PTPRG: variants seen among roughly 807,000 people sequenced by gnomAD.
The protein encoded by PTPRG is protein tyrosine phosphatase receptor type G, also known as receptor-type tyrosine-protein phosphatase gamma.
A neutral mutation model predicts 165.3 loss-of-function variants in PTPRG; 102 were observed. The observed-to-expected ratio is 0.62, with a 90% CI of 0.53 to 0.73. The LOEUF (loss-of-function observed/expected upper bound fraction) is 0.73. Ranked by LOEUF, PTPRG falls within the 30% of genes least tolerant of loss-of-function variation. The pLI is 0.00. For missense variants in PTPRG, 1,866 were observed against 1,861.4 expected (o/e 1.00, Z -0.05); for synonymous variants, 675 against 669.5 (o/e 1.01, Z -0.13).
At chr3:62,059,245 A>C (rs566234592) in intron 4 of PTPRG, among the ~76,000 whole-genome samples, 1 of 152,356 alleles carries the variant, frequency 6.6e-6, no homozygotes, top group African/African-American at 2.4e-5. Context: ...GGACTCCTTC[A>C]TAAGTGGAAC....
chr3:62,107,577 A>T (rs1173309553), intron 5 of PTPRG, among the ~76,000 whole-genome samples: 1 of 152,216 alleles, frequency 6.6e-6, no homozygotes, highest in East Asian at 1.9e-4. Flanking sequence ...TGTGAATTGA[A>T]TTTTGAATAA....
chr3:61,774,881 ACT>A, intron 2 of PTPRG, among the ~76,000 whole-genome samples: 1 of 152,258 alleles, frequency 6.6e-6, no homozygotes, highest in East Asian at 1.9e-4. Flanking sequence ...CAGAGATTGG[ACT>A]GTGTTTGACC....
intron 17 of PTPRG, among the ~76,000 whole-genome samples, chr3:62,267,069 T>C (rs995710314): frequency 1.3e-5 from 2 of 151,998 alleles, no homozygotes; most frequent in Non-Finnish European, 2.9e-5. Context: ...TTTATATTTG[T>C]ATTAATGGGG....
In PTPRG at chr3:62,157,134, T is replaced by A; in HGVS notation, c.750T>A (p.Tyr250Ter). Residue 250 changes from tyrosine (Y) to a stop codon, truncating the protein, a stop_gained, in exon 7 of 30, where the codon TAT (tyrosine) becomes TAA (stop). Transcript: ENST00000474889. LOFTEE classifies it high-confidence loss of function. ...TGCCTGCATCCCTGGGCAGCTATTA[T>A]CGGTACACAGGTTCCTTGACCACAC... ...DLLPASLGSY[Y>*]RYTGSLTTPP... The A allele has an allele frequency of 6.2e-7, 1 of 1,613,294 alleles. No homozygotes were observed. Among genetic ancestry groups the A allele is most frequent in the Non-Finnish European group, 8.5e-7 (1 of 1,179,252 alleles).
rs1466649716 is a variant in PTPRG at position 61,672,694 on chromosome 3, CAGAGGGAGACCGTGGAAAGAGAGGG to C, written c.86-76173_86-76149del. Among the ~76,000 whole-genome samples the C allele has an allele frequency of 3.3e-4, 45 of 134,874 alleles. 1 individual carries two copies. In the South Asian group the frequency reaches 8.9e-3, roughly 27 times the overall value. 88.5% of individuals were successfully genotyped at this position (134,874 alleles called of 152,430 possible). A position where few individuals can be genotyped will look rare whatever the true frequency, so the allele number is the denominator to read the frequency against. ...GTACCGTCCAGCTTCGGCTCGGCAT[CAGAGGGAGACCGTGGAAAGAGAGGG>C]AGAGGGAGACTGTGGGGAGAGGGAG... On this transcript the variant is annotated intron_variant, in intron 1 of 29. Coordinates refer to ENST00000474889, the MANE Select transcript of PTPRG (RefSeq NM_002841.4).
At chr3:62,123,031 AC>A (rs1336121659) in intron 5 of PTPRG, among the ~76,000 whole-genome samples, 1 of 152,200 alleles carries the variant, frequency 6.6e-6, no homozygotes, top group Non-Finnish European at 1.5e-5. Flanking sequence ...ACGGTTATCT[AC>A]TGATATGGAG....
chr3:62,004,089 A>G (rs1352756611), intron 4 of PTPRG, among the ~76,000 whole-genome samples: 1 of 152,168 alleles, frequency 6.6e-6, no homozygotes, highest in Non-Finnish European at 1.5e-5. Flanking sequence ...GCTGCTGTGT[A>G]TCTGCTTAGA....
At chr3:61,638,591 G>GATTTT (rs1701981070) in intron 1 of PTPRG, among the ~76,000 whole-genome samples, 1 of 58,704 alleles carries the variant, frequency 1.7e-5, no homozygotes, top group East Asian at 6.0e-4. Context: ...TGCCTGGCTA[G>GATTTT]TTTTTTTTTT....
At chr3:61,719,532 A>G (rs1366509308) in intron 1 of PTPRG, among the ~76,000 whole-genome samples, 1 of 152,142 alleles carries the variant, frequency 6.6e-6, no homozygotes, top group East Asian at 1.9e-4. Flanking sequence ...TGTCTTTGTC[A>G]GCAGGCTTGG....
At chr3:61,615,325 C>G (rs547195634) in intron 1 of PTPRG, among the ~76,000 whole-genome samples, 45 of 152,332 alleles carry the variant, frequency 3.0e-4, no homozygotes, top group African/African-American at 1.0e-3. Flanking sequence ...GCCTCTATGA[C>G]CTCGATACTT....
chr3:61,925,896 T>C (rs114242879), intron 2 of PTPRG: 184 of 499,404 alleles, frequency 3.7e-4, no homozygotes, highest in African/African-American at 3.4e-3. Context: ...ACAAAATCCC[T>C]GTTGATGAGG....
chr3:62,168,644 G>A (rs76401569), intron 8 of PTPRG, among the ~76,000 whole-genome samples: 2,649 of 152,268 alleles, frequency 0.017, 59 homozygotes, highest in African/African-American at 0.057. Context: ...GGGAGGGGGA[G>A]CACACAGATG....
At chr3:62,282,905 GT>G in intron 28 of PTPRG, 36 bp downstream of exon 28, 2 of 1,554,870 alleles carry the variant, frequency 1.3e-6, no homozygotes, top group Non-Finnish European at 1.7e-6. Context: ...AATGTAGACC[GT>G]TTTTTTGTTT....
chr3:61,778,045 T>C (rs1421465844), intron 2 of PTPRG, among the ~76,000 whole-genome samples: 3 of 152,138 alleles, frequency 2.0e-5, no homozygotes, highest in Admixed American at 6.6e-5. Flanking sequence ...GCCTGCCCCA[T>C]GCCAAGCACT....
At chr3:61,608,864 G>C (rs1247556007) in intron 1 of PTPRG, among the ~76,000 whole-genome samples, 1 of 152,182 alleles carries the variant, frequency 6.6e-6, no homozygotes. Context: ...TTTACGCTGA[G>C]CCCTTGCTAT....
chr3:61,866,580 C>CTTTTT (rs1452043369), intron 2 of PTPRG, among the ~76,000 whole-genome samples: 2 of 80,460 alleles, frequency 2.5e-5, no homozygotes, highest in Non-Finnish European at 5.0e-5. Context: ...GAACTGTTTG[C>CTTTTT]TCTTTTTTTT....
At chr3:62,043,907 A>G (rs1305241842) in intron 4 of PTPRG, among the ~76,000 whole-genome samples, 2 of 152,212 alleles carry the variant, frequency 1.3e-5, no homozygotes, top group Non-Finnish European at 2.9e-5. Flanking sequence ...TATCAATATC[A>G]TAGGGGCCTA....
chr3:62,276,912 C>T lies in PTPRG; in HGVS notation c.3560-60C>T, dbSNP rs1054242952. 12 of 1,254,232 alleles carry T rather than the reference C, an allele frequency of 9.6e-6. No homozygotes were observed. In the African/African-American group the frequency reaches 1.6e-4, roughly 17 times the overall value. 77.7% of individuals were successfully genotyped at this position (1,254,232 alleles called of 1,614,324 possible). On this transcript the variant is annotated intron_variant, in intron 24 of 29. Coordinates refer to ENST00000474889, the MANE Select transcript of PTPRG (RefSeq NM_002841.4). ...TTCATCAAGCAAATCTCAGAAAGAG[C>T]TGTTGGTTCTGTGTGTATAATAAGG...
intron 5 of PTPRG, among the ~76,000 whole-genome samples, chr3:62,095,629 A>G (rs763540479): frequency 4.6e-5 from 7 of 152,164 alleles, no homozygotes; most frequent in Non-Finnish European, 1.0e-4. Context: ...ATCACAGGCT[A>G]TTGGGGGAAT....
Sources: allele counts gnomAD v4.1 joint callset (sites outside exome capture counted in the v4.1 genomes callset), GRCh38; gene constraint gnomAD v4.1.1; transcripts MANE v1.5; gene names NCBI Gene and HGNC (gene_info 2026-07-23, HGNC 2026-07-21).